The following MECOM variants were observed in gnomAD, a reference collection of about 807,000 sequenced individuals.
The protein encoded by MECOM is histone-lysine N-methyltransferase MECOM.
Under a neutral mutation model 116.3 loss-of-function variants are expected in MECOM, and 13 were observed. The ratio of observed to expected loss-of-function variants is 0.11; its 90% CI spans 0.07 to 0.18. MECOM has a LOEUF of 0.18. Ranked by LOEUF, MECOM falls within the 10% of genes least tolerant of loss-of-function variation. The pLI, the probability that MECOM is intolerant of heterozygous loss-of-function variation, is 1.00. For missense variants in MECOM, 1,299 were observed against 1,509.0 expected (o/e 0.86, Z 2.31); for synonymous variants, 528 against 535.2 (o/e 0.99, Z 0.19).
chr3:169,384,249 T>C (rs926826453), intron 1 of MECOM, among the ~76,000 whole-genome samples: 2 of 152,186 alleles, frequency 1.3e-5, no homozygotes, highest in South Asian at 2.1e-4. Flanking sequence ...AATACTTTTT[T>C]TTACCAAATA....
intron 1 of MECOM, among the ~76,000 whole-genome samples, chr3:169,564,290 T>C (rs979398840): frequency 6.6e-6 from 1 of 151,852 alleles, no homozygotes; most frequent in Non-Finnish European, 1.5e-5. Context: ...CATCTGAGAG[T>C]TAAACATTAT....
intron 1 of MECOM, among the ~76,000 whole-genome samples, chr3:169,646,553 G>A (rs959448081): frequency 3.3e-5 from 5 of 152,000 alleles, no homozygotes; most frequent in Non-Finnish European, 7.4e-5. Flanking sequence ...ATTCAATTAA[G>A]TAGCTAGTGA....
chr3:169,277,864 C>T (rs1291273015), intron 2 of MECOM, among the ~76,000 whole-genome samples: 14 of 152,214 alleles, frequency 9.2e-5, no homozygotes, highest in Admixed American at 9.2e-4. Context: ...ACCAGGGTTT[C>T]TCCCAAAGAG....
At chr3:169,624,794 C>T (rs544707753) in intron 1 of MECOM, among the ~76,000 whole-genome samples, 127 of 152,308 alleles carry the variant, frequency 8.3e-4, no homozygotes, top group African/African-American at 2.9e-3. Flanking sequence ...GCCAGACACA[C>T]TGTCTGGTGT....
chr3:169,363,538 G>A (rs1728661247), intron 2 of MECOM, among the ~76,000 whole-genome samples: 1 of 151,776 alleles, frequency 6.6e-6, no homozygotes. Flanking sequence ...TTTCACCTCT[G>A]ACCCAAGAAA....
At chr3:169,143,205 G>A (rs1738661301) in intron 3 of MECOM, among the ~76,000 whole-genome samples, 1 of 151,958 alleles carries the variant, frequency 6.6e-6, no homozygotes, top group African/African-American at 2.4e-5. Flanking sequence ...TAATCTAAAA[G>A]TAAGTGTTCT....
At chr3:169,094,988 A>G (rs571725866) in intron 13 of MECOM, 88 bp downstream of exon 13, 82 of 1,203,158 alleles carry the variant, frequency 6.8e-5, no homozygotes, top group Middle Eastern at 6.0e-4. Flanking sequence ...TCAAAATGGA[A>G]TAAAAGAAGA....
intron 2 of MECOM, among the ~76,000 whole-genome samples, chr3:169,176,311 TA>T (rs1745160130): frequency 6.6e-6 from 1 of 152,094 alleles, no homozygotes; most frequent in African/African-American, 2.4e-5. Context: ...GGATGTTTAA[TA>T]TGCAACATGA....
At chr3:169,532,363 C>G (rs1758755637) in intron 1 of MECOM, among the ~76,000 whole-genome samples, 2 of 152,208 alleles carry the variant, frequency 1.3e-5, no homozygotes, top group African/African-American at 4.8e-5. Context: ...ATAGAAATCA[C>G]TGGCTAGAAA....
intron 2 of MECOM, among the ~76,000 whole-genome samples, chr3:169,281,957 C>T (rs1239939253): frequency 6.6e-6 from 1 of 152,120 alleles, no homozygotes; most frequent in Non-Finnish European, 1.5e-5. Context: ...ACTATATTGC[C>T]AACCTCCAAG....
At chr3:169,085,118 T>C in intron 16 of MECOM, 75 bp from the exon 17 acceptor site, 2 of 1,580,520 alleles carry the variant, frequency 1.3e-6, no homozygotes, top group South Asian at 2.3e-5. Flanking sequence ...ATATTGTTGG[T>C]AAATGGAAAG....
chr3:169,191,740 G>GAAAGAA (rs760490760), intron 2 of MECOM, among the ~76,000 whole-genome samples: 2,986 of 63,750 alleles, frequency 0.047, 72 homozygotes, highest in Non-Finnish European at 0.07. Context: ...AAGAAAGAAA[G>GAAAGAA]AGAAAGAAAG....
intron 2 of MECOM, among the ~76,000 whole-genome samples, chr3:169,280,234 T>G (rs1448808457): frequency 1.3e-5 from 2 of 152,232 alleles, no homozygotes; most frequent in African/African-American, 2.4e-5. Context: ...AATAAACTGC[T>G]CTGCAATTTC....
chr3:169,270,966 G>A (rs2149653005), intron 2 of MECOM, among the ~76,000 whole-genome samples: 1 of 152,204 alleles, frequency 6.6e-6, no homozygotes, highest in East Asian at 1.9e-4. Flanking sequence ...TTTTGAAGAT[G>A]TTGACAAGAG....
At chr3:169,123,117 CAATT>C (rs1204213755) in intron 5 of MECOM, among the ~76,000 whole-genome samples, 3 of 151,550 alleles carry the variant, frequency 2.0e-5, no homozygotes, top group Non-Finnish European at 4.4e-5. Flanking sequence ...ATTAAGCTCA[CAATT>C]AAGTGAGTAG....
At chr3:169,515,723 A>T (rs945861393) in intron 1 of MECOM, among the ~76,000 whole-genome samples, 19 of 152,236 alleles carry the variant, frequency 1.2e-4, no homozygotes, top group African/African-American at 3.6e-4. Flanking sequence ...TCACAAAGTG[A>T]CAAACATTTT....
At chr3:169,523,173 C>T (rs973875177) in intron 1 of MECOM, among the ~76,000 whole-genome samples, 1 of 152,120 alleles carries the variant, frequency 6.6e-6, no homozygotes, top group Non-Finnish European at 1.5e-5. Context: ...GCAATTTGCC[C>T]TTCCAGACAG....
At position 169,283,691 on chromosome 3, in the gene MECOM, G is replaced by T. The variant is rs1217350493; in HGVS notation, c.375+97496C>A. ...TAAGTAGTGAAATTATTTCTGAAAT[G>T]CATTTACATGTAGGTTCCTTAAAAT... On this transcript the variant is annotated intron_variant, in intron 2 of 16. Coordinates refer to ENST00000651503, the MANE Select transcript of MECOM (RefSeq NM_004991.4). Among the ~76,000 whole-genome samples the T allele has an allele frequency of 3.3e-5, 5 of 152,076 alleles. No individual in the cohort carries two copies. The East Asian group carries it at 9.6e-4, about 29-fold the overall frequency.
intron 2 of MECOM, among the ~76,000 whole-genome samples, chr3:169,341,385 G>A (rs946556419): frequency 6.7e-6 from 1 of 148,828 alleles, no homozygotes; most frequent in African/African-American, 2.5e-5. Flanking sequence ...AGGCCGGCAA[G>A]GGTAGTGGGG....
Sources: gnomAD v4.1 joint callset for allele counts (sites outside exome capture counted in the v4.1 genomes callset) on GRCh38, gnomAD v4.1.1 for gene constraint, MANE v1.5 for transcripts, NCBI Gene and HGNC (gene_info 2026-07-23, HGNC 2026-07-21) for gene names.